PCDH15: variants seen among roughly 807,000 people sequenced by gnomAD.
PCDH15 encodes the protein protocadherin related 15.
Under a neutral mutation model 178.5 loss-of-function variants are expected in PCDH15, and 129 were observed. The ratio of observed to expected loss-of-function variants is 0.72; its 90% CI spans 0.63 to 0.84. PCDH15 has a LOEUF of 0.84. Ranked by LOEUF, PCDH15 falls within the 40% of genes least tolerant of loss-of-function variation. The pLI, the probability that PCDH15 is intolerant of heterozygous loss-of-function variation, is 0.00. For synonymous variants in PCDH15, 800 were observed against 732.0 expected (o/e 1.09, Z -1.50); for missense variants, 2,230 against 2,099.9 (o/e 1.06, Z -1.21).
intron 2 of PCDH15, among the ~76,000 whole-genome samples, chr10:55,053,164 T>C (rs149736486): frequency 6.6e-6 from 1 of 152,280 alleles, no homozygotes; most frequent in African/African-American, 2.4e-5. Flanking sequence ...ATTAAAAAAA[T>C]CTTTCAACAT....
At chr10:53,850,896 A>G (rs1001959884) in intron 28 of PCDH15, among the ~76,000 whole-genome samples, 2 of 152,148 alleles carry the variant, frequency 1.3e-5, no homozygotes, top group African/African-American at 4.8e-5. Flanking sequence ...AGAAGACTAC[A>G]TAACAAAAGA....
At chr10:55,115,937 T>C (rs541274458) in intron 2 of PCDH15, among the ~76,000 whole-genome samples, 2 of 152,206 alleles carry the variant, frequency 1.3e-5, no homozygotes, top group African/African-American at 4.8e-5. Flanking sequence ...ATATCCAATT[T>C]ACATTCCCAA....
At chr10:53,869,141 T>C (rs556591949) in intron 26 of PCDH15, among the ~76,000 whole-genome samples, 1 of 152,326 alleles carries the variant, frequency 6.6e-6, no homozygotes, top group Non-Finnish European at 1.5e-5. Flanking sequence ...AAGCTCAAAC[T>C]ACCGGCTAAT....
intron 1 of PCDH15, among the ~76,000 whole-genome samples, chr10:54,742,865 C>T (rs1477001798): frequency 6.6e-6 from 1 of 152,004 alleles, no homozygotes; most frequent in East Asian, 1.9e-4. Context: ...AATTTATGGA[C>T]TTAAGTTATT....
intron 1 of PCDH15, among the ~76,000 whole-genome samples, chr10:55,307,225 T>A (rs1350817586): frequency 6.6e-6 from 1 of 151,994 alleles, no homozygotes; most frequent in Non-Finnish European, 1.5e-5. Context: ...ATTTTCGGAC[T>A]GGCGTGGTAG....
intron 1 of PCDH15, among the ~76,000 whole-genome samples, chr10:54,711,890 T>C (rs2095431150): frequency 6.6e-6 from 1 of 151,974 alleles, no homozygotes; most frequent in African/African-American, 2.4e-5. Flanking sequence ...ATGTATAATA[T>C]CTTCTATTTC....
chr10:55,052,803 G>T (rs1235639257), intron 2 of PCDH15, among the ~76,000 whole-genome samples: 1 of 152,034 alleles, frequency 6.6e-6, no homozygotes, highest in African/African-American at 2.4e-5. Flanking sequence ...CATCACAAAT[G>T]ATATTTGGAC....
At chr10:55,249,829 T>G (rs1841786974) in intron 1 of PCDH15, among the ~76,000 whole-genome samples, 1 of 152,004 alleles carries the variant, frequency 6.6e-6, no homozygotes, top group Admixed American at 6.6e-5. Flanking sequence ...ATGGTTTTAT[T>G]ATGTCATGTT....
At chr10:54,552,765 A>G (rs570833195) in intron 2 of PCDH15, among the ~76,000 whole-genome samples, 2 of 152,264 alleles carry the variant, frequency 1.3e-5, no homozygotes, top group South Asian at 4.1e-4. Context: ...GAAGTCCACT[A>G]ATAATTTGTG....
At chr10:54,343,357 C>T (rs761965907) in intron 6 of PCDH15, among the ~76,000 whole-genome samples, 2 of 152,054 alleles carry the variant, frequency 1.3e-5, no homozygotes, top group Non-Finnish European at 2.9e-5. Flanking sequence ...CTCCTGCTGC[C>T]ATGTAAGATG....
intron 2 of PCDH15, among the ~76,000 whole-genome samples, chr10:55,004,073 A>G (rs1488370390): frequency 1.3e-5 from 2 of 152,176 alleles, no homozygotes; most frequent in Non-Finnish European, 2.9e-5. Flanking sequence ...GTGAGTAATC[A>G]GGCCAAGTGT....
intron 2 of PCDH15, chr10:54,619,349 T>G (rs1380292553): frequency 1.3e-5 from 2 of 151,788 alleles, no homozygotes; most frequent in Non-Finnish European, 2.9e-5. Flanking sequence ...GAAGAAGGGT[T>G]GATAATTCAT....
chr10:55,185,973 GT>G (rs1839789375), intron 1 of PCDH15, among the ~76,000 whole-genome samples: 1 of 151,616 alleles, frequency 6.6e-6, no homozygotes, highest in South Asian at 2.1e-4. Context: ...TATCCTCTAT[GT>G]ATTAGTATTT....
At chr10:55,614,651 T>G (rs1843438720) in intron 2 of PCDH15, among the ~76,000 whole-genome samples, 1 of 152,178 alleles carries the variant, frequency 6.6e-6, no homozygotes. Flanking sequence ...AAATAAAATT[T>G]TCTATTGATG....
intron 2 of PCDH15, among the ~76,000 whole-genome samples, chr10:54,978,022 G>A (rs1037054730): frequency 4.6e-5 from 7 of 152,074 alleles, no homozygotes; most frequent in African/African-American, 1.7e-4. Flanking sequence ...TATAGTCTTA[G>A]CCTAGTTCTT....
intron 2 of PCDH15, among the ~76,000 whole-genome samples, chr10:54,571,990 C>T (rs1234045207): frequency 6.6e-6 from 1 of 152,090 alleles, no homozygotes; most frequent in Non-Finnish European, 1.5e-5. Context: ...CAAATCATTT[C>T]TAAAACCATA....
chr10:54,222,161 CAAAT>C (rs1328962151), intron 9 of PCDH15, among the ~76,000 whole-genome samples: 1 of 152,074 alleles, frequency 6.6e-6, no homozygotes, highest in Non-Finnish European at 1.5e-5. Context: ...TTATCTTGAG[CAAAT>C]ATCTAGGAGT....
intron 8 of PCDH15, among the ~76,000 whole-genome samples, chr10:54,276,524 T>C (rs139463279): frequency 5.6e-4 from 85 of 151,870 alleles, no homozygotes; most frequent in African/African-American, 2.0e-3. Flanking sequence ...TTCATGAGTA[T>C]ATAGCAATTT....
intron 1 of PCDH15, among the ~76,000 whole-genome samples, chr10:55,292,835 G>A (rs747308353): frequency 6.6e-6 from 1 of 152,174 alleles, no homozygotes; most frequent in Non-Finnish European, 1.5e-5. Context: ...TGCTTTTATG[G>A]GCTGGTGTTT....
Sources: gnomAD v4.1 joint callset for allele counts (sites outside exome capture counted in the v4.1 genomes callset) on GRCh38, gnomAD v4.1.1 for gene constraint, MANE v1.5 for transcripts, NCBI Gene and HGNC (gene_info 2026-07-23, HGNC 2026-07-21) for gene names.